The following SMOC2 variants were observed in gnomAD, a reference collection of about 807,000 sequenced individuals.
SMOC2 encodes SPARC related modular calcium binding 2.
SMOC2 carries 39 observed loss-of-function variants against 61.4 expected under a neutral mutation model. That is an observed-to-expected ratio of 0.64 (90% CI 0.49 to 0.83). The LOEUF (loss-of-function observed/expected upper bound fraction) is 0.83, where lower values mean the gene tolerates loss of function less well. Among genes scored for constraint, SMOC2 ranks in the 40% least tolerant of loss-of-function variants. The pLI, the probability that SMOC2 is intolerant of heterozygous loss-of-function variation, is 0.00. For missense variants in SMOC2, 556 were observed against 592.9 expected (o/e 0.94, Z 0.65); for synonymous variants, 247 against 239.9 (o/e 1.03, Z -0.27).
At chr6:168,521,329 A>T (rs1222585148) in intron 2 of SMOC2, among the ~76,000 whole-genome samples, 2 of 152,068 alleles carry the variant, frequency 1.3e-5, no homozygotes, top group South Asian at 2.1e-4. Flanking sequence ...TTGTATTTTT[A>T]GTAGAGGTGG....
chr6:168,527,605 A>T lies in SMOC2; in HGVS notation c.364-23A>T, dbSNP rs556052367. On this transcript the variant is annotated intron_variant, in intron 3 of 12. Transcript: ENST00000356284. ...CTGCGCCACGGGCCCGGGAGGGCTT[A>T]CCCGTCCTGTGCTCTCTCGCAGGTC... 1.4e-5 allele frequency: 21 copies of T among 1,532,578 alleles called. No homozygotes were observed. The African/African-American group carries it at 2.5e-4, about 18-fold the overall frequency. The allele number at this position is 1,532,578 out of a possible 1,614,324, so 94.9% of individuals were successfully genotyped here.
chr6:168,615,195 A>T (rs1483935966), intron 9 of SMOC2, among the ~76,000 whole-genome samples: 1 of 77,052 alleles, frequency 1.3e-5, no homozygotes, highest in Non-Finnish European at 2.6e-5. Context: ...ACCTACAGCC[A>T]GCACAGGGCC....
At chr6:168,641,525 G>A (rs920528713) in intron 9 of SMOC2, among the ~76,000 whole-genome samples, 3 of 152,200 alleles carry the variant, frequency 2.0e-5, no homozygotes, top group Admixed American at 6.5e-5. Flanking sequence ...AAACACACAC[G>A]TTGGTCTTTA....
intron 9 of SMOC2, among the ~76,000 whole-genome samples, chr6:168,613,248 A>G (rs538828400): frequency 1.3e-5 from 2 of 152,272 alleles, no homozygotes; most frequent in Admixed American, 6.5e-5. Flanking sequence ...GTGCAGGGGA[A>G]GTCTGACGTA....
At chr6:168,570,794 A>T (rs1784646856) in intron 7 of SMOC2, among the ~76,000 whole-genome samples, 3 of 152,248 alleles carry the variant, frequency 2.0e-5, no homozygotes, top group East Asian at 3.8e-4. Context: ...TCTGTGATGG[A>T]TGGAAAAGGT....
At chr6:168,457,701 G>A (rs1370007192) in intron 1 of SMOC2, among the ~76,000 whole-genome samples, 7 of 145,514 alleles carry the variant, frequency 4.8e-5, no homozygotes, top group Non-Finnish European at 7.6e-5. Flanking sequence ...ATGTGGTGCC[G>A]CCTCCTCTCT....
chr6:168,447,951 G>T (rs1781366832), intron 1 of SMOC2, among the ~76,000 whole-genome samples: 1 of 152,060 alleles, frequency 6.6e-6, no homozygotes, highest in African/African-American at 2.4e-5. Flanking sequence ...AATCCACCCT[G>T]CATACCAGCT....
intron 9 of SMOC2, among the ~76,000 whole-genome samples, chr6:168,628,935 C>T (rs369438427): frequency 1.2e-3 from 183 of 152,368 alleles, no homozygotes; most frequent in African/African-American, 4.1e-3. Flanking sequence ...GCAGTCCGGT[C>T]CCTGAGAGGG....
chr6:168,560,289 T>A (rs566100626), intron 7 of SMOC2, among the ~76,000 whole-genome samples: 1 of 152,310 alleles, frequency 6.6e-6, no homozygotes, highest in African/African-American at 2.4e-5. Flanking sequence ...CTATTGTGTT[T>A]CAGATGAAAG....
intron 1 of SMOC2, among the ~76,000 whole-genome samples, chr6:168,472,118 T>G (rs543907519): frequency 6.6e-6 from 1 of 152,360 alleles, no homozygotes; most frequent in African/African-American, 2.4e-5. Flanking sequence ...AGGAAATCAT[T>G]GCCAAAGCCA....
intron 2 of SMOC2, among the ~76,000 whole-genome samples, chr6:168,518,890 CGTGT>C (rs201714375): frequency 6.8e-6 from 1 of 147,580 alleles, no homozygotes; most frequent in Non-Finnish European, 1.5e-5. Context: ...TCTGAGCATG[CGTGT>C]GTGTGCGTGC....
intron 7 of SMOC2, among the ~76,000 whole-genome samples, chr6:168,592,496 G>C (rs1301988870): frequency 6.1e-5 from 3 of 49,274 alleles, no homozygotes; most frequent in Admixed American, 3.0e-4. Flanking sequence ...AGAGGATCGC[G>C]GAGCTCCTCC....
intron 7 of SMOC2, among the ~76,000 whole-genome samples, chr6:168,557,539 G>T (rs1160779131): frequency 6.6e-6 from 1 of 152,154 alleles, no homozygotes; most frequent in African/African-American, 2.4e-5. Flanking sequence ...ACGTGTACAC[G>T]CAGGCCTTGA....
chr6:168,542,861 A>AT (rs1783902653), intron 4 of SMOC2, among the ~76,000 whole-genome samples: 1 of 152,230 alleles, frequency 6.6e-6, no homozygotes, highest in Non-Finnish European at 1.5e-5. Flanking sequence ...TGAAAAAAAA[A>AT]GAAAACAAAA....
intron 1 of SMOC2, 34 bp from the exon 2 acceptor site, chr6:168,509,881 T>C (rs941952881): frequency 3.2e-6 from 5 of 1,577,374 alleles, no homozygotes; most frequent in Admixed American, 1.7e-5. Flanking sequence ...AATGTGTCTT[T>C]AAATTTGTCT....
intron 1 of SMOC2, among the ~76,000 whole-genome samples, chr6:168,462,041 GT>G (rs200125212): frequency 4.6e-5 from 7 of 151,594 alleles, no homozygotes; most frequent in Non-Finnish European, 8.8e-5. Flanking sequence ...TTATTTATCA[GT>G]TTTTTTTGAG....
intron 1 of SMOC2, among the ~76,000 whole-genome samples, chr6:168,467,234 C>T (rs762313085): frequency 3.3e-5 from 5 of 151,450 alleles, no homozygotes; most frequent in Middle Eastern, 3.2e-3. Context: ...AGTGCACTGG[C>T]GGCAAAACAG....
Position 168,509,990 on chromosome 6 carries a change from G to T in SMOC2, c.160G>T (p.Ala54Ser), listed in dbSNP as rs550409938. 1.7e-5 allele frequency: 27 copies of T among 1,614,118 alleles called. No individual in the cohort carries two copies. The East Asian group carries it at 5.3e-4, about 32-fold the overall frequency. ...CAGSPQKPLC[A>S]SDGRTFLSRC... ...GGGTTCGCCCCAGAAACCTCTCTGCGCATCTGACGGAAGGACCTTCCTTTC... is the reference window on the plus strand; with the variant it reads ...GGGTTCGCCCCAGAAACCTCTCTGCTCATCTGACGGAAGGACCTTCCTTTC... The change falls in exon 2 of 13, where the codon GCA becomes TCA. Residue 54 changes from alanine to serine, a missense_variant. Physicochemically the swap from Ala to Ser is moderately conservative, Grantham distance 99 (BLOSUM62 1). Transcript: ENST00000356284.
intron 12 of SMOC2, among the ~76,000 whole-genome samples, chr6:168,665,545 A>T (rs1386225404): frequency 6.6e-6 from 1 of 152,266 alleles, no homozygotes; most frequent in South Asian, 2.1e-4. Flanking sequence ...CTAATGTGGA[A>T]TCCAGAGGAG....
Sources: gnomAD v4.1 joint callset for allele counts (sites outside exome capture counted in the v4.1 genomes callset) on GRCh38, gnomAD v4.1.1 for gene constraint, MANE v1.5 for transcripts, NCBI Gene and HGNC (gene_info 2026-07-23, HGNC 2026-07-21) for gene names.